ZBTB7C: variants seen among roughly 807,000 people sequenced by gnomAD.
ZBTB7C encodes zinc finger and BTB domain-containing protein 7C.
In ZBTB7C, 8 loss-of-function variants were observed where a neutral mutation model predicts 25.7. That is an observed-to-expected ratio of 0.31 (90% CI 0.18 to 0.56). The LOEUF (loss-of-function observed/expected upper bound fraction) is 0.56, where lower values mean the gene tolerates loss of function less well. Ranked by LOEUF, ZBTB7C falls within the 20% of genes least tolerant of loss-of-function variation. The probability of loss-of-function intolerance (pLI) is 0.91; values close to 1 mark genes in which losing one functional copy is unlikely to be tolerated. For missense variants in ZBTB7C, 824 were observed against 855.2 expected, an observed-to-expected ratio of 0.96 and a Z score of 0.46; for synonymous variants, 394 against 369.0, an observed-to-expected ratio of 1.07 and a Z score of -0.78.
At chr18:48,331,925 T>C (rs993378289) in intron 2 of ZBTB7C, among the ~76,000 whole-genome samples, 1 of 152,180 alleles carries the variant, frequency 6.6e-6, no homozygotes. Context: ...CACTAAAATC[T>C]TTTATTCTGA....
chr18:48,383,677 G>A (rs2047682223), intron 1 of ZBTB7C, among the ~76,000 whole-genome samples: 1 of 152,110 alleles, frequency 6.6e-6, no homozygotes, highest in African/African-American at 2.4e-5. Context: ...AATATTTAAG[G>A]CACCGAAAAA....
chr18:48,298,039 G>C (rs1288566922), intron 2 of ZBTB7C, among the ~76,000 whole-genome samples: 1 of 152,144 alleles, frequency 6.6e-6, no homozygotes. Flanking sequence ...CCAGCATTTT[G>C]GGAGGCTGAG....
chr18:48,110,390 G>C (rs576403379), intron 3 of ZBTB7C, among the ~76,000 whole-genome samples: 2 of 152,262 alleles, frequency 1.3e-5, no homozygotes, highest in East Asian at 3.9e-4. Flanking sequence ...CTCTTAGCCA[G>C]CCTGCTCTGC....
chr18:48,310,306 T>C (rs564520088), intron 2 of ZBTB7C, among the ~76,000 whole-genome samples: 1 of 152,238 alleles, frequency 6.6e-6, no homozygotes, highest in African/African-American at 2.4e-5. Context: ...ATTAGGTTAT[T>C]GAGGAGCTTT....
intron 3 of ZBTB7C, among the ~76,000 whole-genome samples, chr18:48,172,974 C>G (rs2041542996): frequency 5.3e-5 from 8 of 152,188 alleles, no homozygotes; most frequent in Admixed American, 5.2e-4. Flanking sequence ...TGCAGAGTAA[C>G]TCACTGCAGA....
intron 1 of ZBTB7C, among the ~76,000 whole-genome samples, chr18:48,365,111 C>T (rs1338227645): frequency 6.6e-6 from 1 of 152,214 alleles, no homozygotes; most frequent in South Asian, 2.1e-4. Flanking sequence ...ATCTTCATGG[C>T]TGTGTAGTAG....
chr18:48,204,022 T>C (rs988284634), intron 2 of ZBTB7C, among the ~76,000 whole-genome samples: 3 of 152,226 alleles, frequency 2.0e-5, no homozygotes, highest in Non-Finnish European at 4.4e-5. Flanking sequence ...ACACATCAGC[T>C]ACAGTGTGAA....
intron 2 of ZBTB7C, among the ~76,000 whole-genome samples, chr18:48,285,766 G>C (rs1260202763): frequency 6.6e-6 from 1 of 152,078 alleles, no homozygotes; most frequent in Non-Finnish European, 1.5e-5. Flanking sequence ...CTTTAATGGA[G>C]AGTTTTATCT....
chr18:48,128,189 C>T (rs574023405), intron 3 of ZBTB7C, among the ~76,000 whole-genome samples: 2 of 152,314 alleles, frequency 1.3e-5, no homozygotes, highest in South Asian at 4.1e-4. Flanking sequence ...TGCCCCGAAC[C>T]GACTGCTCCC....
At chr18:48,370,914 G>A (rs1018170209) in intron 1 of ZBTB7C, among the ~76,000 whole-genome samples, 2 of 152,026 alleles carry the variant, frequency 1.3e-5, no homozygotes, top group Non-Finnish European at 2.9e-5. Context: ...TTCTTTCCAT[G>A]GAAACAATCA....
At chr18:48,242,284 C>A (rs1054468919) in intron 2 of ZBTB7C, among the ~76,000 whole-genome samples, 4 of 152,098 alleles carry the variant, frequency 2.6e-5, no homozygotes, top group Non-Finnish European at 5.9e-5. Flanking sequence ...AGAATTGGTA[C>A]CAATCCTATT....
At chr18:48,249,681 AGGTT>A in intron 2 of ZBTB7C, among the ~76,000 whole-genome samples, 1 of 152,344 alleles carries the variant, frequency 6.6e-6, no homozygotes, top group South Asian at 2.1e-4. Context: ...AATTTCTAAC[AGGTT>A]AGATTCTGAA....
intron 2 of ZBTB7C, among the ~76,000 whole-genome samples, chr18:48,295,849 G>A (rs985993755): frequency 7.2e-5 from 11 of 152,284 alleles, no homozygotes; most frequent in Non-Finnish European, 1.3e-4. Context: ...TCGCAGGCGA[G>A]TGGGGAAGAG....
intron 2 of ZBTB7C, among the ~76,000 whole-genome samples, chr18:48,268,961 T>TC (rs200073286): frequency 0.012 from 1,764 of 145,324 alleles, 35 homozygotes; most frequent in African/African-American, 0.044. Flanking sequence ...TCTGTTTCTT[T>TC]TTTTTTTTTT....
In ZBTB7C at chr18:48,187,820, CAAAAA is replaced by C. The variant is rs919402026; in HGVS notation, c.-78-1830_-78-1826del. 2.7e-4 allele frequency among the ~76,000 whole-genome samples: 20 copies of C among 73,360 alleles called. No homozygotes were observed. The East Asian group carries it at 7.7e-3, about 28-fold the overall frequency. 48.1% of individuals were successfully genotyped at this position (73,360 alleles called of 152,430 possible). ...TGGGCAACAGGGCAAGACCCCGTCT[CAAAAA>C]AAAAAAAAAAAAAAAAAGACAGGAA... is the stretch of plus-strand genomic sequence containing the variant. On this transcript the variant is annotated intron_variant, in intron 2 of 4. Transcript: ENST00000590800.
At chr18:48,258,027 C>T (rs902697502) in intron 2 of ZBTB7C, among the ~76,000 whole-genome samples, 1 of 152,050 alleles carries the variant, frequency 6.6e-6, no homozygotes, top group Non-Finnish European at 1.5e-5. Flanking sequence ...GATCAAGACC[C>T]CATCTCTAGG....
chr18:48,043,553 A>AGAGAT (rs1349214770), intron 3 of ZBTB7C, among the ~76,000 whole-genome samples: 1 of 152,220 alleles, frequency 6.6e-6, no homozygotes, highest in East Asian at 1.9e-4. Flanking sequence ...GAAATGGAGA[A>AGAGAT]GAGATGAGGG....
intron 2 of ZBTB7C, among the ~76,000 whole-genome samples, chr18:48,191,692 G>C (rs941027146): frequency 2.6e-5 from 4 of 152,212 alleles, no homozygotes; most frequent in African/African-American, 9.6e-5. Context: ...CTGGTGTGTT[G>C]AGCTTTCACA....
chr18:48,029,448 G>A lies in ZBTB7C; in HGVS notation c.1672C>T (p.Leu558=). 6.3e-7 allele frequency: 1 copy of A among 1,597,010 alleles called. No individual in the cohort carries two copies. The highest frequency in any genetic ancestry group is 8.5e-7 in the Non-Finnish European group (1 of 1,175,004). ...ERQFEETQMK[L]FGRAQLEAER... is the part of the protein sequence containing the mutation. ...GCCTCCAGCTGCGCGCGCCCGAACA[G>A]CTTCATCTGTGTCTCCTCGAACTGC... The change falls in exon 5 of 5, where the codon CTG becomes TTG. Residue 558 remains leucine, a synonymous_variant. Transcript: ENST00000590800.
Sources: allele counts gnomAD v4.1 joint callset (sites outside exome capture counted in the v4.1 genomes callset), GRCh38; gene constraint gnomAD v4.1.1; transcripts MANE v1.5; gene names NCBI Gene and HGNC (gene_info 2026-07-23, HGNC 2026-07-21).